The following MACROD2 variants were observed in gnomAD, a reference collection of about 807,000 sequenced individuals.
MACROD2 encodes ADP-ribose glycohydrolase MACROD2.
MACROD2 carries 36 observed loss-of-function variants against 70.4 expected under a neutral mutation model. The observed-to-expected ratio is 0.51, with a 90% confidence interval of 0.39 to 0.68. The LOEUF is 0.68. MACROD2 is among the 30% of genes least tolerant of loss of function. The pLI, the probability that MACROD2 is intolerant of heterozygous loss-of-function variation, is 0.00. For missense variants in MACROD2, 496 were observed against 538.4 expected, an observed-to-expected ratio of 0.92 and a Z score of 0.78; for synonymous variants, 172 against 178.8, an observed-to-expected ratio of 0.96 and a Z score of 0.30.
intron 8 of MACROD2, among the ~76,000 whole-genome samples, chr20:15,718,240 C>T (rs2050734840): frequency 6.6e-6 from 1 of 152,034 alleles, no homozygotes; most frequent in Admixed American, 6.5e-5. Context: ...CCACCAGCCT[C>T]AGCCTCCCAA....
chr20:15,805,522 G>A (rs2063761289), intron 8 of MACROD2, among the ~76,000 whole-genome samples: 2 of 151,572 alleles, frequency 1.3e-5, no homozygotes, highest in Admixed American at 6.6e-5. Context: ...TTTTGCCCAG[G>A]CTGGAGTGCA....
intron 8 of MACROD2, among the ~76,000 whole-genome samples, chr20:15,820,082 A>G (rs750371313): frequency 1.8e-4 from 27 of 152,028 alleles, no homozygotes; most frequent in Non-Finnish European, 3.7e-4. Context: ...CAACTATACC[A>G]TGCTCTATAT....
chr20:15,433,709 A>G (rs1005867930), intron 7 of MACROD2, among the ~76,000 whole-genome samples: 2 of 151,098 alleles, frequency 1.3e-5, no homozygotes, highest in Non-Finnish European at 2.9e-5. Context: ...GAAAATTCAT[A>G]TGGAACCAAA....
chr20:14,214,167 A>G (rs925645321), intron 3 of MACROD2, among the ~76,000 whole-genome samples: 1 of 152,188 alleles, frequency 6.6e-6, no homozygotes, highest in Non-Finnish European at 1.5e-5. Context: ...AGTCTTTGTT[A>G]CTTTTAAGAA....
At chr20:15,922,887 T>C (rs1358159155) in intron 10 of MACROD2, among the ~76,000 whole-genome samples, 2 of 152,240 alleles carry the variant, frequency 1.3e-5, no homozygotes, top group East Asian at 1.9e-4. Flanking sequence ...ATGAATCCAT[T>C]TTAAGATAAG....
intron 7 of MACROD2, among the ~76,000 whole-genome samples, chr20:15,448,652 T>G (rs1008084928): frequency 2.0e-5 from 3 of 152,176 alleles, no homozygotes; most frequent in Non-Finnish European, 2.9e-5. Flanking sequence ...AAGTCACTTT[T>G]GGGCTTGTCC....
chr20:15,546,671 C>T (rs562032411), intron 8 of MACROD2, among the ~76,000 whole-genome samples: 1 of 152,288 alleles, frequency 6.6e-6, no homozygotes, highest in East Asian at 1.9e-4. Context: ...TTTGATCTTC[C>T]CTTTTGTTCC....
chr20:14,941,062 C>T (rs957941841), intron 5 of MACROD2, among the ~76,000 whole-genome samples: 1 of 152,090 alleles, frequency 6.6e-6, no homozygotes, highest in Non-Finnish European at 1.5e-5. Flanking sequence ...CAGCTTCAGT[C>T]TCATTACTCA....
chr20:14,990,314 A>T (rs1303454503), intron 5 of MACROD2, among the ~76,000 whole-genome samples: 1 of 152,054 alleles, frequency 6.6e-6, no homozygotes, highest in South Asian at 2.1e-4. Context: ...GTGGAACACA[A>T]TTTGAGTGAG....
At chr20:15,753,125 T>C (rs566639665) in intron 8 of MACROD2, among the ~76,000 whole-genome samples, 1 of 152,238 alleles carries the variant, frequency 6.6e-6, no homozygotes, top group African/African-American at 2.4e-5. Flanking sequence ...ATTTTTTAAA[T>C]ATATTTTCAA....
chr20:15,441,089 C>G (rs963800170), intron 7 of MACROD2, among the ~76,000 whole-genome samples: 1 of 152,160 alleles, frequency 6.6e-6, no homozygotes, highest in Non-Finnish European at 1.5e-5. Flanking sequence ...ACTTTTGAGA[C>G]AGTGGAGAGA....
In MACROD2 at chr20:14,540,461, A is replaced by G. The variant is rs1302494777; in HGVS notation, c.301+46953A>G. Among the ~76,000 whole-genome samples the G allele has an allele frequency of 3.9e-5, 6 of 152,272 alleles. No homozygotes were observed. In the East Asian group the frequency reaches 1.2e-3, roughly 29 times the overall value. ...TATATTAAACAGAAAAAGAGAGTTC[A>G]CAAAGGTGCTCAGAAACTGGCAGTT... is the stretch of plus-strand genomic sequence containing the variant. On this transcript the variant is annotated intron_variant, in intron 4 of 17. Transcript: ENST00000684519.
intron 6 of MACROD2, among the ~76,000 whole-genome samples, chr20:15,303,480 A>G (rs2014334994): frequency 6.6e-6 from 1 of 152,194 alleles, no homozygotes; most frequent in Non-Finnish European, 1.5e-5. Flanking sequence ...GAAAAGCTCC[A>G]TAAATCCCCT....
chr20:14,910,275 G>T (rs573907104), intron 5 of MACROD2, among the ~76,000 whole-genome samples: 1 of 152,158 alleles, frequency 6.6e-6, no homozygotes, highest in African/African-American at 2.4e-5. Context: ...TTAATATAGA[G>T]CCCAGACTGT....
At chr20:14,922,760 G>GA (rs2074179231) in intron 5 of MACROD2, among the ~76,000 whole-genome samples, 1 of 152,134 alleles carries the variant, frequency 6.6e-6, no homozygotes, top group South Asian at 2.1e-4. Context: ...TGTCTTTCCA[G>GA]AAAATCACTG....
intron 3 of MACROD2, among the ~76,000 whole-genome samples, chr20:14,131,339 A>G (rs559623817): frequency 6.6e-6 from 1 of 152,286 alleles, no homozygotes; most frequent in Non-Finnish European, 1.5e-5. Flanking sequence ...AAACAAACAT[A>G]GTTTATAGCT....
At chr20:15,053,091 C>T (rs748278267) in intron 5 of MACROD2, among the ~76,000 whole-genome samples, 3 of 152,196 alleles carry the variant, frequency 2.0e-5, no homozygotes, top group Non-Finnish European at 4.4e-5. Context: ...AAATAGGAAG[C>T]TAGCAGAGGT....
At chr20:15,634,656 ACTAAAG>A (rs1377811247) in intron 8 of MACROD2, among the ~76,000 whole-genome samples, 1 of 152,226 alleles carries the variant, frequency 6.6e-6, no homozygotes, top group Non-Finnish European at 1.5e-5. Flanking sequence ...TGGCAATGGT[ACTAAAG>A]CCACATTCCA....
chr20:15,487,723 G>A (rs1466295312), intron 7 of MACROD2, among the ~76,000 whole-genome samples: 1 of 152,108 alleles, frequency 6.6e-6, no homozygotes, highest in African/African-American at 2.4e-5. Flanking sequence ...CATGCCAAAT[G>A]TTCACCTCAG....
Sources: allele counts gnomAD v4.1 joint callset (sites outside exome capture counted in the v4.1 genomes callset), GRCh38; gene constraint gnomAD v4.1.1; transcripts MANE v1.5; gene names NCBI Gene and HGNC (gene_info 2026-07-23, HGNC 2026-07-21).